HTR1E: variants seen among roughly 807,000 people sequenced by gnomAD.
HTR1E encodes the protein 5-HT-1E.
HTR1E carries 3 observed loss-of-function variants against 3.4 expected under a neutral mutation model. The observed-to-expected ratio is 0.89, with a 90% confidence interval of 0.41 to 2.31. The LOEUF (loss-of-function observed/expected upper bound fraction) is 2.31. Ranked by LOEUF, HTR1E falls within the 30% of genes most tolerant of loss-of-function variation. HTR1E has a pLI of 0.05. For missense variants in HTR1E, 392 were observed against 467.0 expected, an observed-to-expected ratio of 0.84 and a Z score of 1.48; for synonymous variants, 170 against 182.8, an observed-to-expected ratio of 0.93 and a Z score of 0.56.
chr6:86,972,705 A>G (rs1419540688), intron 1 of HTR1E, among the ~76,000 whole-genome samples: 6 of 152,232 alleles, frequency 3.9e-5, no homozygotes, highest in Admixed American at 2.0e-4. Flanking sequence ...AATTGTTTTT[A>G]AGTCTTAAAA....
chr6:87,008,587 A>G lies in HTR1E; in HGVS notation c.-185-6563A>G, dbSNP rs112226110. On this transcript the variant is annotated intron_variant, in intron 1 of 1. Transcript: ENST00000305344. The stretch of plus-strand genomic sequence containing the variant: ...TGAACTGAGCATGCCATGTACATCA[A>G]TGTCCAAAAGCAGCCATTCTCTGTG... 3.1e-3 allele frequency among the ~76,000 whole-genome samples: 478 copies of G among 152,314 alleles called. 4 individuals are homozygous for G. Among genetic ancestry groups the G allele is most frequent in the African/African-American group, 7.8e-3 (326 of 41,564 alleles).
chr6:87,005,175 A>C (rs1202333185), intron 1 of HTR1E, among the ~76,000 whole-genome samples: 1 of 152,190 alleles, frequency 6.6e-6, no homozygotes, highest in African/African-American at 2.4e-5. Flanking sequence ...AAAGCAATCT[A>C]TGGCTATAAG....
intron 1 of HTR1E, chr6:86,970,720 T>C (rs1767538576): frequency 5.5e-6 from 1 of 181,824 alleles, no homozygotes; most frequent in African/African-American, 2.4e-5. Context: ...AACTGGCATT[T>C]GTCATCAGGA....
chr6:87,009,783 TGACCTCCCCCA>T (rs1768175755), intron 1 of HTR1E, among the ~76,000 whole-genome samples: 1 of 119,648 alleles, frequency 8.4e-6, no homozygotes. Context: ...GCAGGGGGGC[TGACCTCCCCCA>T]CCTCCCTCCC....
chr6:86,996,972 A>G (rs1767948790), intron 1 of HTR1E, among the ~76,000 whole-genome samples: 1 of 152,036 alleles, frequency 6.6e-6, no homozygotes, highest in Admixed American at 6.5e-5. Context: ...CCTTAACAAA[A>G]TATTATCAAA....
intron 1 of HTR1E, among the ~76,000 whole-genome samples, chr6:87,010,526 G>C (rs1294539684): frequency 6.9e-6 from 1 of 144,134 alleles, no homozygotes; most frequent in Non-Finnish European, 1.5e-5. Context: ...CGGGGCAGAG[G>C]CGCTCCCCAC....
intron 1 of HTR1E, among the ~76,000 whole-genome samples, chr6:86,955,588 A>T (rs1338038252): frequency 6.6e-6 from 1 of 152,202 alleles, no homozygotes; most frequent in African/African-American, 2.4e-5. Context: ...GCTGTGAGAT[A>T]ATAAATTTAT....
intron 1 of HTR1E, among the ~76,000 whole-genome samples, chr6:87,011,371 T>C (rs1768232557): frequency 1.3e-5 from 2 of 152,166 alleles, no homozygotes; most frequent in African/African-American, 4.8e-5. Flanking sequence ...TGCTGGGAAG[T>C]AAATAGAGAA....
At chr6:87,010,148 C>T (rs1448473826) in intron 1 of HTR1E, among the ~76,000 whole-genome samples, 39 of 90,396 alleles carry the variant, frequency 4.3e-4, no homozygotes, top group Middle Eastern at 0.012. Flanking sequence ...GCAGAGGCGC[C>T]CCTCACCTCC....
chr6:86,969,842 G>A (rs1403879064), intron 1 of HTR1E, among the ~76,000 whole-genome samples: 2 of 152,180 alleles, frequency 1.3e-5, no homozygotes, highest in Non-Finnish European at 2.9e-5. Flanking sequence ...ATGTGCCCAA[G>A]GAGAGCTAAT....
intron 1 of HTR1E, among the ~76,000 whole-genome samples, chr6:87,000,737 CAAG>C (rs1768010067): frequency 2.6e-5 from 4 of 152,184 alleles, no homozygotes; most frequent in Admixed American, 6.5e-5. Context: ...ACCTGTCCTG[CAAG>C]AAATGCAAAG....
chr6:87,004,164 G>C (rs868502008), intron 1 of HTR1E, among the ~76,000 whole-genome samples: 1 of 152,082 alleles, frequency 6.6e-6, no homozygotes, highest in Non-Finnish European at 1.5e-5. Flanking sequence ...TTCACTGCTC[G>C]ATTTTACCAA....
chr6:87,003,063 C>CAT (rs1045329095), intron 1 of HTR1E, among the ~76,000 whole-genome samples: 1 of 152,080 alleles, frequency 6.6e-6, no homozygotes, highest in African/African-American at 2.4e-5. Flanking sequence ...AAGGATAGAC[C>CAT]ATATGTTAGA....
At chr6:86,970,759 G>C (rs1767540840) in intron 1 of HTR1E, 1 of 216,244 alleles carries the variant, frequency 4.6e-6, no homozygotes, top group African/African-American at 2.3e-5. Flanking sequence ...TGCACACAAA[G>C]GTGTTCTGAA....
intron 1 of HTR1E, among the ~76,000 whole-genome samples, chr6:86,954,426 C>T (rs1354568393): frequency 6.6e-6 from 1 of 152,204 alleles, no homozygotes; most frequent in Non-Finnish European, 1.5e-5. Flanking sequence ...GTGATCTGCT[C>T]AGACAGCTGA....
intron 1 of HTR1E, among the ~76,000 whole-genome samples, chr6:86,958,070 T>G (rs1767350557): frequency 6.6e-6 from 1 of 151,298 alleles, no homozygotes; most frequent in Non-Finnish European, 1.5e-5. Flanking sequence ...TTTTTTTTTT[T>G]TTTTTTGAGA....
intron 1 of HTR1E, among the ~76,000 whole-genome samples, chr6:86,972,340 A>C (rs967381714): frequency 1.2e-4 from 19 of 152,144 alleles, no homozygotes; most frequent in African/African-American, 4.6e-4. Flanking sequence ...AGAATACTTC[A>C]AGGTATTGTT....
At chr6:86,995,217 G>A (rs1158331873) in intron 1 of HTR1E, among the ~76,000 whole-genome samples, 2 of 151,838 alleles carry the variant, frequency 1.3e-5, no homozygotes, top group Non-Finnish European at 2.9e-5. Flanking sequence ...TTGGGAGGCC[G>A]AGGCAGGAGG....
intron 1 of HTR1E, among the ~76,000 whole-genome samples, chr6:87,008,951 C>T (rs1328927342): frequency 6.6e-6 from 1 of 152,162 alleles, no homozygotes; most frequent in Non-Finnish European, 1.5e-5. Context: ...TTGAAAGTTA[C>T]ATCACTCAAA....
Sources: gnomAD v4.1 joint callset for allele counts (sites outside exome capture counted in the v4.1 genomes callset) on GRCh38, gnomAD v4.1.1 for gene constraint, MANE v1.5 for transcripts, NCBI Gene and HGNC (gene_info 2026-07-23, HGNC 2026-07-21) for gene names.